N4BP1: variants seen among roughly 807,000 people sequenced by gnomAD.
N4BP1 encodes NEDD4 binding protein 1.
N4BP1 carries 21 observed loss-of-function variants against 70.9 expected under a neutral mutation model. The observed-to-expected ratio is 0.30, with a 90% confidence interval of 0.21 to 0.43. N4BP1 has a LOEUF of 0.43. Ranked by LOEUF, N4BP1 falls within the 20% of genes least tolerant of loss-of-function variation. N4BP1 has a pLI of 1.00. For missense variants in N4BP1, 936 were observed against 1,069.4 expected, an observed-to-expected ratio of 0.88 and a Z score of 1.74; for synonymous variants, 387 against 394.6, an observed-to-expected ratio of 0.98 and a Z score of 0.23.
chr16:48,590,518 CTT>C (rs1031191062), intron 1 of N4BP1, among the ~76,000 whole-genome samples: 3 of 152,172 alleles, frequency 2.0e-5, no homozygotes, highest in African/African-American at 7.2e-5. Context: ...CAGGATTGCT[CTT>C]GTGGCTACCT....
chr16:48,553,036 G>A (rs1193274349), intron 3 of N4BP1, among the ~76,000 whole-genome samples: 1 of 152,078 alleles, frequency 6.6e-6, no homozygotes, highest in Non-Finnish European at 1.5e-5. Flanking sequence ...CATGACCTAT[G>A]ACACAAACAA....
chr16:48,549,964 T>G (rs983181919), intron 4 of N4BP1, among the ~76,000 whole-genome samples: 1 of 152,176 alleles, frequency 6.6e-6, no homozygotes, highest in Non-Finnish European at 1.5e-5. Flanking sequence ...AATAAACAGC[T>G]ACCACTAGGC....
chr16:48,570,037 A>G (rs1963993004), intron 1 of N4BP1, among the ~76,000 whole-genome samples: 1 of 152,026 alleles, frequency 6.6e-6, no homozygotes, highest in Admixed American at 6.6e-5. Flanking sequence ...AGAAAAATCA[A>G]TGGAGACCAC....
intron 3 of N4BP1, among the ~76,000 whole-genome samples, chr16:48,553,077 CATA>C (rs1363293459): frequency 6.6e-6 from 1 of 152,150 alleles, no homozygotes; most frequent in Non-Finnish European, 1.5e-5. Flanking sequence ...TTTCATGATT[CATA>C]ATAAGTTCAA....
rs1963850784 is a variant in N4BP1, at chr16:48,561,249, G to A, written c.1394C>T (p.Thr465Ile). 6.2e-7 allele frequency: 1 copy of A among 1,613,864 alleles called. No homozygotes were observed. ...TTCATGTTTCTGTTCTATTGGCACT[G>A]TTCTGAAAGTATTAATTCTACAATT... Reference protein sequence around the residue: ...TSNCRINTFRTVPIEQKHEVW... With the variant: ...TSNCRINTFRIVPIEQKHEVW... Residue 465 changes from threonine (T) to isoleucine (I), a missense_variant, in exon 2 of 7, where the codon ACA becomes ATA. Thr to Ile is a moderately conservative substitution (Grantham distance 89). Transcript: ENST00000262384.
At chr16:48,609,221 A>G (rs1396924888) in intron 1 of N4BP1, among the ~76,000 whole-genome samples, 1 of 152,188 alleles carries the variant, frequency 6.6e-6, no homozygotes, top group Non-Finnish European at 1.5e-5. Flanking sequence ...TGTCTCAAAT[A>G]GAAAAAAATA....
At chr16:48,554,971 A>G (rs912778502) in intron 2 of N4BP1, among the ~76,000 whole-genome samples, 2 of 152,118 alleles carry the variant, frequency 1.3e-5, no homozygotes, top group East Asian at 3.9e-4. Flanking sequence ...TGACCCTCCC[A>G]CTACCATGAG....
At chr16:48,573,194 G>C (rs1964046714) in intron 1 of N4BP1, among the ~76,000 whole-genome samples, 1 of 151,966 alleles carries the variant, frequency 6.6e-6, no homozygotes, top group African/African-American at 2.4e-5. Context: ...ACAGTACTTG[G>C]CGCTGCACTG....
At chr16:48,548,581 T>A (rs1218554059) in intron 4 of N4BP1, among the ~76,000 whole-genome samples, 1 of 152,296 alleles carries the variant, frequency 6.6e-6, no homozygotes, top group Admixed American at 6.5e-5. Context: ...GTGTGGTGGC[T>A]CACGCCTGTA....
intron 1 of N4BP1, among the ~76,000 whole-genome samples, chr16:48,591,597 T>C (rs964272220): frequency 2.0e-5 from 3 of 151,458 alleles, no homozygotes; most frequent in Non-Finnish European, 4.4e-5. Context: ...TAATTAAAAA[T>C]GGATATCCAA....
chr16:48,572,910 C>T (rs548745823), intron 1 of N4BP1, among the ~76,000 whole-genome samples: 169 of 151,294 alleles, frequency 1.1e-3, no homozygotes, highest in African/African-American at 4.0e-3. Context: ...GTGGGAGAAT[C>T]ACTTGAGCTC....
chr16:48,602,007 G>A (rs1002582879), intron 1 of N4BP1, among the ~76,000 whole-genome samples: 4 of 152,178 alleles, frequency 2.6e-5, no homozygotes, highest in African/African-American at 7.2e-5. Context: ...CAGATCACTC[G>A]AGGTCAGGAG....
At chr16:48,584,669 G>C (rs1021545378) in intron 1 of N4BP1, among the ~76,000 whole-genome samples, 1 of 151,762 alleles carries the variant, frequency 6.6e-6, no homozygotes, top group Non-Finnish European at 1.5e-5. Flanking sequence ...CAGCGACTTG[G>C]GAGGGTGAGG....
chr16:48,588,422 G>A (rs1964280550), intron 1 of N4BP1, among the ~76,000 whole-genome samples: 1 of 151,734 alleles, frequency 6.6e-6, no homozygotes, highest in Admixed American at 6.6e-5. Context: ...AGCCTCCCAA[G>A]TAGTTGGGAT....
chr16:48,595,456 CAAAAAAAAAAAAA>C (rs373163833), intron 1 of N4BP1, among the ~76,000 whole-genome samples: 1 of 57,490 alleles, frequency 1.7e-5, no homozygotes, highest in Admixed American at 2.3e-4. Context: ...GACTCTGTCT[CAAAAAAAAAAAAA>C]AAAAAAAAAA....
Position 48,609,877 on chromosome 16 carries a change from G to A in N4BP1, c.96C>T (p.Gly32=), listed in dbSNP as rs1959483153. ...GCGCGCCGAGCACGGCTAGGCTCAC[G>A]CCAAACAGGCCCTCGATACGGCCGC... ...QSRGRIEGLF[G]VSLAVLGALG... The change falls in exon 1 of 7, where the codon GGC becomes GGT. Residue 32 remains glycine (G), a synonymous_variant. Coordinates refer to ENST00000262384, the MANE Select transcript of N4BP1 (RefSeq NM_153029.4). The A allele has an allele frequency of 6.7e-7, 1 of 1,481,782 alleles. No individual in the cohort carries two copies. Among genetic ancestry groups the A allele is most frequent in the Non-Finnish European group, 8.9e-7 (1 of 1,118,996 alleles). 91.8% of individuals were successfully genotyped at this position (1,481,782 alleles called of 1,614,324 possible).
At chr16:48,577,316 T>C (rs564282378) in intron 1 of N4BP1, among the ~76,000 whole-genome samples, 1 of 144,696 alleles carries the variant, frequency 6.9e-6, no homozygotes, top group Non-Finnish European at 1.5e-5. Flanking sequence ...CCAGTTTTTG[T>C]TTTTTTTGTG....
Position 48,542,845 on chromosome 16 carries a change from G to T in N4BP1, c.*59C>A. ...TTATGTTCATTCCCATCAGGTACAG[G>T]TGTGAGCTTGAGTTTGATCAGCCAG... On this transcript the variant is annotated 3_prime_UTR_variant, in exon 7 of 7. Coordinates refer to ENST00000262384, the MANE Select transcript of N4BP1 (RefSeq NM_153029.4). 2 of 1,394,922 alleles carry T rather than the reference G, an allele frequency of 1.4e-6. No individual in the cohort carries two copies. Among genetic ancestry groups the T allele is most frequent in the Non-Finnish European group, 2.0e-6 (2 of 1,008,076 alleles). The allele number at this position is 1,394,922 out of a possible 1,614,324, so 86.4% of individuals were successfully genotyped here.
In N4BP1 at chr16:48,562,387, C is replaced by G. The variant is rs1963875459; in HGVS notation, c.256G>C (p.Asp86His). 6.2e-7 allele frequency: 1 copy of G among 1,613,560 alleles called. No individual in the cohort carries two copies. Among genetic ancestry groups the G allele is most frequent in the Non-Finnish European group, 8.5e-7 (1 of 1,179,720 alleles). The change falls in exon 2 of 7, where the codon GAC becomes CAC. Residue 86 changes from aspartate (D) to histidine (H), a missense_variant. This residue lies in a region of N4BP1 where 187 missense variants were observed against 217.1 expected (regional missense o/e 0.86). Transcript: ENST00000262384. The part of the protein sequence containing the change: ...ELEERECYPK[D>H]MHCIFVGAES... ...GCCCCAACAAAAATGCAGTGCATGT[C>G]CTTGGGGTAACATTCTCTTTCTTCT...
Sources: gnomAD v4.1 joint callset for allele counts (sites outside exome capture counted in the v4.1 genomes callset) on GRCh38, gnomAD v4.1.1 for gene constraint, gnomAD v4.1.1 regional missense constraint, MANE v1.5 for transcripts, NCBI Gene and HGNC (gene_info 2026-07-23, HGNC 2026-07-21) for gene names.